SDK2: variants seen among roughly 807,000 people sequenced by gnomAD.
SDK2 encodes the protein protein sidekick-2.
SDK2 carries 105 observed loss-of-function variants against 253.9 expected under a neutral mutation model. That is an observed-to-expected ratio of 0.41 (90% CI 0.35 to 0.49). The LOEUF is 0.49. Among genes scored for constraint, SDK2 ranks in the 20% least tolerant of loss-of-function variants. SDK2 has a pLI of 0.06. For synonymous variants in SDK2, 1,249 were observed against 1,234.9 expected, an observed-to-expected ratio of 1.01 and a Z score of -0.24; for missense variants, 2,608 against 3,003.0, an observed-to-expected ratio of 0.87 and a Z score of 3.07.
intron 8 of SDK2, among the ~76,000 whole-genome samples, chr17:73,437,159 T>C (rs1167053026): frequency 1.3e-5 from 2 of 152,252 alleles, no homozygotes; most frequent in South Asian, 2.1e-4. Context: ...GCCCCTTTGC[T>C]CAGCGTGTCC....
chr17:73,592,924 T>C (rs2045703733), intron 1 of SDK2, among the ~76,000 whole-genome samples: 1 of 152,128 alleles, frequency 6.6e-6, no homozygotes, highest in South Asian at 2.1e-4. Context: ...ACCCCGGTAA[T>C]GCTGTGTTTG....
Position 73,335,995 on chromosome 17 carries a change from A to C in SDK2, c.*2592T>G, listed in dbSNP as rs1270332758. On this transcript the variant is annotated 3_prime_UTR_variant, in exon 45 of 45. Coordinates refer to ENST00000392650, the MANE Select transcript of SDK2 (RefSeq NM_001144952.2). The stretch of plus-strand genomic sequence containing the variant: ...AATATCTTAGTGCACCAGGTGATTC[A>C]TTAAAGGCAAAGGAAAATTGACCTC... 6.6e-6 allele frequency: 1 copy of C among 152,274 alleles called. No individual in the cohort carries two copies. The highest frequency in any genetic ancestry group is 1.5e-5 in the Non-Finnish European group (1 of 68,056). 9.4% of individuals were successfully genotyped at this position (152,274 alleles called of 1,614,324 possible).
Position 73,494,359 on chromosome 17 carries a change from C to T in SDK2, c.224+13079G>A, listed in dbSNP as rs529418695. The stretch of plus-strand genomic sequence containing the variant: ...AGGTGTTCTGTGGCTGCGTGACTCT[C>T]TCATAGCTCCTAGTTTCCCCTGCCT... On this transcript the variant is annotated intron_variant, in intron 2 of 44. Coordinates refer to ENST00000392650, the MANE Select transcript of SDK2 (RefSeq NM_001144952.2). 3.9e-5 allele frequency among the ~76,000 whole-genome samples: 6 copies of T among 152,200 alleles called. No homozygotes were observed. The East Asian group carries it at 9.7e-4, about 25-fold the overall frequency.
chr17:73,390,318 G>T lies in SDK2; in HGVS notation c.4161C>A (p.Ala1387=). The T allele has an allele frequency of 6.6e-7, 1 of 1,515,766 alleles. No individual in the cohort carries two copies. 93.9% of individuals were successfully genotyped at this position (1,515,766 alleles called of 1,614,324 possible). The change falls in exon 29 of 45, where the codon GCC becomes GCA. Residue 1387 remains alanine, a synonymous_variant. Coordinates refer to ENST00000392650, the MANE Select transcript of SDK2 (RefSeq NM_001144952.2). The part of the protein sequence containing the change: ...AQTRKGWGEA[A]EALVVTTEKR... ...TCTCGGTGGTCACCACCAAGGCCTC[G>T]GCAGCTTCTCCCCAGCCCTTGCGGG... is the stretch of plus-strand genomic sequence containing the variant.
At chr17:73,554,282 T>C (rs1336895276) in intron 1 of SDK2, among the ~76,000 whole-genome samples, 2 of 152,212 alleles carry the variant, frequency 1.3e-5, no homozygotes, top group African/African-American at 4.8e-5. Context: ...ACTTCCACAC[T>C]GTTATGAGCC....
intron 1 of SDK2, among the ~76,000 whole-genome samples, chr17:73,548,291 G>T (rs1308075246): frequency 6.6e-6 from 1 of 152,216 alleles, no homozygotes; most frequent in Non-Finnish European, 1.5e-5. Context: ...GCAGCTTGGA[G>T]AATTCTAGTG....
chr17:73,358,665 G>T (rs935013259), intron 39 of SDK2, among the ~76,000 whole-genome samples: 1 of 152,070 alleles, frequency 6.6e-6, no homozygotes, highest in African/African-American at 2.4e-5. Context: ...AGAGGAGGGG[G>T]TTGGTCGGAG....
At chr17:73,507,048 C>T (rs1567812527) in intron 2 of SDK2, among the ~76,000 whole-genome samples, 1 of 152,262 alleles carries the variant, frequency 6.6e-6, no homozygotes, top group Admixed American at 6.5e-5. Context: ...CCCACCCCTC[C>T]ATTGGACCCA....
intron 4 of SDK2, among the ~76,000 whole-genome samples, chr17:73,452,916 C>G (rs933313030): frequency 1.3e-5 from 2 of 152,172 alleles, no homozygotes; most frequent in Non-Finnish European, 2.9e-5. Flanking sequence ...AACATCCACG[C>G]TAAGAAACAT....
Position 73,383,954 on chromosome 17 carries a change from C to T in SDK2, c.4627G>A (p.Glu1543Lys), listed in dbSNP as rs530166844. The T allele has an allele frequency of 2.5e-6, 4 of 1,613,894 alleles. No homozygotes were observed. In the South Asian group the frequency reaches 4.4e-5, roughly 18 times the overall value. The change falls in exon 33 of 45, where the codon GAG becomes AAG. Residue 1543 changes from glutamate (E) to lysine (K), a missense_variant. Glu to Lys is a moderately conservative substitution (Grantham distance 56). Around this residue, in one of 2 missense-constraint regions of SDK2, gnomAD observed 1,103 missense variants for 1,143.9 expected, o/e 0.96. Transcript: ENST00000392650. The surrounding 1 kb of genome is among the most constrained non-coding windows in gnomAD (Gnocchi z 4.3). Reference protein sequence around the residue: ...ILLGFRIRYRELLYEGLRGFT... With the variant: ...ILLGFRIRYRKLLYEGLRGFT... Reference sequence around the variant, plus strand: ...CCCCTCAGTCCTTCATAGAGCAGCTCCCGGTATCGGATCCGGAAGCCCAGG... The same window carrying T: ...CCCCTCAGTCCTTCATAGAGCAGCTTCCGGTATCGGATCCGGAAGCCCAGG...
chr17:73,541,595 C>T lies in SDK2; in HGVS notation c.65-33998G>A, dbSNP rs1389140938. On this transcript the variant is annotated intron_variant, in intron 1 of 44. Coordinates refer to ENST00000392650, the MANE Select transcript of SDK2 (RefSeq NM_001144952.2). The surrounding 1 kb of genome is among the most constrained non-coding windows in gnomAD (Gnocchi z 4.3). ...TCAAGGCCAGAGCTCGCCCCACCCT[C>T]CCTCCGTCTCTCCCTGCTGGCTCTT... is the stretch of plus-strand genomic sequence containing the variant. Among the ~76,000 whole-genome samples, 1 of 151,884 alleles carries T rather than the reference C, an allele frequency of 6.6e-6. No homozygotes were observed. The highest frequency in any genetic ancestry group is 1.5e-5 in the Non-Finnish European group (1 of 67,978).
In SDK2 at chr17:73,565,243, T is replaced by A. The variant is rs79784199; in HGVS notation, c.65-57646A>T. Among the ~76,000 whole-genome samples, 610 of 152,304 alleles carry A rather than the reference T, an allele frequency of 4.0e-3. 5 individuals are homozygous for A. The highest frequency in any genetic ancestry group is 0.014 in the African/African-American group (595 of 41,566). On this transcript the variant is annotated intron_variant, in intron 1 of 44. Coordinates refer to ENST00000392650, the MANE Select transcript of SDK2 (RefSeq NM_001144952.2). ...AGACCTGAATTCTGTATATAAATTC[T>A]ACCCAAACCTTAGGCTGATCTCTGA... is the stretch of plus-strand genomic sequence containing the variant.
chr17:73,512,570 C>A (rs2063989671), intron 1 of SDK2, among the ~76,000 whole-genome samples: 1 of 152,086 alleles, frequency 6.6e-6, no homozygotes, highest in African/African-American at 2.4e-5. Flanking sequence ...CACACACACA[C>A]ACATACACAT....
intron 1 of SDK2, among the ~76,000 whole-genome samples, chr17:73,590,359 C>G (rs752604308): frequency 7.9e-5 from 12 of 152,212 alleles, no homozygotes; most frequent in Non-Finnish European, 1.3e-4. Flanking sequence ...CTTCCCCTGT[C>G]GGAGATGATG....
At chr17:73,594,772 CAAAT>C (rs1157445799) in intron 1 of SDK2, among the ~76,000 whole-genome samples, 3 of 152,092 alleles carry the variant, frequency 2.0e-5, no homozygotes, top group African/African-American at 7.2e-5. Context: ...TGCACACACA[CAAAT>C]ATACAGCACA....
intron 20 of SDK2, 119 bp downstream of exon 20, chr17:73,401,535 A>G (rs1437730353): frequency 7.3e-6 from 7 of 963,878 alleles, no homozygotes; most frequent in Non-Finnish European, 1.1e-5. Context: ...GGTTTCTAAG[A>G]AAGCATGGGT....
chr17:73,546,903 C>T (rs1173646232), intron 1 of SDK2, among the ~76,000 whole-genome samples: 4 of 152,216 alleles, frequency 2.6e-5, no homozygotes, highest in Non-Finnish European at 4.4e-5. Context: ...AGGTGCAGAG[C>T]TGGGATGCAA....
At chr17:73,559,820 T>C (rs1006833262) in intron 1 of SDK2, among the ~76,000 whole-genome samples, 1 of 152,098 alleles carries the variant, frequency 6.6e-6, no homozygotes, top group Admixed American at 6.5e-5. Flanking sequence ...CTTGCTGAGA[T>C]AGGATGAGAG....
intron 28 of SDK2, 35 bp from the exon 29 acceptor site, chr17:73,390,516 C>A (rs764328435): frequency 1.3e-6 from 2 of 1,569,948 alleles, no homozygotes; most frequent in Admixed American, 1.8e-5. Flanking sequence ...TTATGGCAAG[C>A]AAGGCAAGCC....
Sources: allele counts gnomAD v4.1 joint callset (sites outside exome capture counted in the v4.1 genomes callset), GRCh38; gene constraint gnomAD v4.1.1; regional missense constraint gnomAD v4.1.1; non-coding constraint Gnocchi (gnomAD v3.1); transcripts MANE v1.5; gene names NCBI Gene and HGNC (gene_info 2026-07-23, HGNC 2026-07-21).